The following TRMT9B variants were observed in gnomAD, a reference collection of about 807,000 sequenced individuals.
TRMT9B encodes probable tRNA methyltransferase 9B.
TRMT9B carries 16 observed loss-of-function variants against 11.5 expected under a neutral mutation model. The observed-to-expected ratio is 1.39, with a 90% CI of 0.94 to 2.11. The LOEUF is 2.11. TRMT9B is among the 30% of genes most tolerant of loss of function. The pLI is 0.00. For missense variants in TRMT9B, 941 were observed against 553.8 expected, an observed-to-expected ratio of 1.70 and a Z score of -7.02; for synonymous variants, 274 against 192.4, an observed-to-expected ratio of 1.42 and a Z score of -3.51.
intron 2 of TRMT9B, among the ~76,000 whole-genome samples, chr8:13,001,959 G>A (rs548120475): frequency 6.6e-6 from 1 of 151,984 alleles, no homozygotes; most frequent in African/African-American, 2.4e-5. Context: ...AAACTCACAA[G>A]GAATTTGCTT....
intron 2 of TRMT9B, among the ~76,000 whole-genome samples, chr8:12,992,946 G>A (rs1306441158): frequency 6.6e-6 from 1 of 152,194 alleles, no homozygotes; most frequent in Non-Finnish European, 1.5e-5. Context: ...TTATGCAGGA[G>A]GAAGAAACTG....
chr8:12,970,365 T>C (rs949867037), intron 1 of TRMT9B, among the ~76,000 whole-genome samples: 9 of 152,248 alleles, frequency 5.9e-5, no homozygotes, highest in Admixed American at 1.3e-4. Flanking sequence ...TACGTTGTCA[T>C]GTATTCAGTA....
rs1441438337 is a variant in TRMT9B at position 13,026,330 on chromosome 8, G to C, written c.*4286G>C. 1.8e-5 allele frequency: 3 copies of C among 167,084 alleles called. No homozygotes were observed. Among genetic ancestry groups the C allele is most frequent in the African/African-American group, 7.2e-5 (3 of 41,462 alleles). The allele number at this position is 167,084 out of a possible 1,614,324, so 10.4% of individuals were successfully genotyped here. A position where few individuals can be genotyped will look rare whatever the true frequency, so the allele number is the denominator to read the frequency against. On this transcript the variant is annotated 3_prime_UTR_variant, in exon 5 of 5. Coordinates refer to ENST00000524591, the MANE Select transcript of TRMT9B (RefSeq NM_020844.3). ...CTCATAGGTGGGAATTGAACAATGA[G>C]AACACATGGACACAGTAAGGGGAAC... is the stretch of plus-strand genomic sequence containing the variant.
At chr8:12,999,688 A>C (rs1342146485) in intron 2 of TRMT9B, among the ~76,000 whole-genome samples, 1 of 152,212 alleles carries the variant, frequency 6.6e-6, no homozygotes, top group Admixed American at 6.5e-5. Context: ...CTTATTTAGA[A>C]GTTCAGAATC....
At chr8:12,980,719 A>G (rs950790549) in intron 1 of TRMT9B, among the ~76,000 whole-genome samples, 4 of 152,194 alleles carry the variant, frequency 2.6e-5, no homozygotes, top group African/African-American at 9.7e-5. Context: ...GCTTCGTGAC[A>G]CAAGCTGAAC....
chr8:12,985,619 T>G (rs1806167598), intron 1 of TRMT9B, among the ~76,000 whole-genome samples: 2 of 152,202 alleles, frequency 1.3e-5, no homozygotes, highest in Non-Finnish European at 2.9e-5. Context: ...TTGTTTGTCT[T>G]ACAGCTACCA....
chr8:12,998,249 T>A (rs987334514), intron 2 of TRMT9B, among the ~76,000 whole-genome samples: 1 of 152,224 alleles, frequency 6.6e-6, no homozygotes, highest in Non-Finnish European at 1.5e-5. Flanking sequence ...TTTTTCCTCT[T>A]ATGGTTAGCA....
chr8:12,947,862 T>C (rs1272471142), intron 1 of TRMT9B, among the ~76,000 whole-genome samples: 1 of 152,176 alleles, frequency 6.6e-6, no homozygotes, highest in Non-Finnish European at 1.5e-5. Flanking sequence ...ATTTGGAAAG[T>C]GTGCAGCCTA....
chr8:13,008,651 C>G (rs1000169668), intron 3 of TRMT9B, among the ~76,000 whole-genome samples: 1 of 152,192 alleles, frequency 6.6e-6, no homozygotes, highest in African/African-American at 2.4e-5. Flanking sequence ...AAAATCTAGA[C>G]AGACATACAA....
rs544152140 is a variant in TRMT9B at position 13,026,562 on chromosome 8, T to C, written c.*4518T>C. On this transcript the variant is annotated 3_prime_UTR_variant, in exon 5 of 5. Transcript: ENST00000524591. Reference sequence around the variant, plus strand: ...TTAAAAAAGAGTAATAAAGGATTTTTGTTTTTAAAAAAAGCAACGTTCATT... The same window carrying C: ...TTAAAAAAGAGTAATAAAGGATTTTCGTTTTTAAAAAAAGCAACGTTCATT... The C allele has an allele frequency of 6.0e-6, 1 of 167,258 alleles. No homozygotes were observed. The highest frequency in any genetic ancestry group is 1.9e-4 in the East Asian group (1 of 5,196). The allele number at this position is 167,258 out of a possible 1,614,324, so 10.4% of individuals were successfully genotyped here.
rs148974680 is a variant in TRMT9B, at chr8:12,995,087, G to C, written c.-2+4056G>C. Among the ~76,000 whole-genome samples the C allele has an allele frequency of 3.8e-3, 584 of 152,328 alleles. 3 individuals are homozygous for C. The highest frequency in any genetic ancestry group is 0.013 in the African/African-American group (557 of 41,578). On this transcript the variant is annotated intron_variant, in intron 2 of 4. Transcript: ENST00000524591. ...GAAGATGTGTCAGTTTACACACACA[G>C]AGGGCTCACTGAAAATTTCCCTTTT... is the stretch of plus-strand genomic sequence containing the variant.
Position 13,021,878 on chromosome 8 carries a change from C to G in TRMT9B, c.1199C>G (p.Thr400Ser), listed in dbSNP as rs779034813. ...ACAATGTCTGTCGAAGATCCACAGA[C>G]TGATGTTTTGGACTCCACAGCCTTT... ...DDTMSVEDPQ[T>S]DVLDSTAFMR... is the part of the protein sequence containing the mutation. Residue 400 changes from threonine to serine, a missense_variant, in exon 5 of 5, where the codon ACT becomes AGT. Transcript: ENST00000524591. 8 of 1,613,854 alleles carry G rather than the reference C, an allele frequency of 5.0e-6. No individual in the cohort carries two copies. The highest frequency in any genetic ancestry group is 2.2e-5 in the South Asian group (2 of 91,086).
chr8:13,013,008 A>T (rs1156772344), intron 4 of TRMT9B, among the ~76,000 whole-genome samples, 151 bp downstream of exon 4: 2 of 152,208 alleles, frequency 1.3e-5, no homozygotes, highest in African/African-American at 4.8e-5. Context: ...TACTTGACTG[A>T]TTTGACTTAA....
chr8:13,013,524 A>G (rs1812055148), intron 4 of TRMT9B, among the ~76,000 whole-genome samples: 1 of 152,228 alleles, frequency 6.6e-6, no homozygotes, highest in African/African-American at 2.4e-5. Context: ...GGAATACATG[A>G]CATCTGCCAT....
intron 1 of TRMT9B, among the ~76,000 whole-genome samples, chr8:12,949,799 A>T (rs900755348): frequency 6.6e-6 from 1 of 152,172 alleles, no homozygotes; most frequent in Non-Finnish European, 1.5e-5. Flanking sequence ...TGCCTCTATT[A>T]TGTCTTGAAA....
chr8:12,964,335 G>A (rs1377141804), intron 1 of TRMT9B, among the ~76,000 whole-genome samples: 2 of 152,242 alleles, frequency 1.3e-5, no homozygotes, highest in African/African-American at 4.8e-5. Context: ...AAAATAGATG[G>A]CCTCCTAGCT....
intron 3 of TRMT9B, chr8:13,011,748 A>C: frequency 1.0e-6 from 1 of 967,954 alleles, no homozygotes; most frequent in Non-Finnish European, 1.2e-6. Context: ...TTGTCTATTT[A>C]AGAAAAAAAG....
rs987193118 is a variant in TRMT9B at position 13,024,649 on chromosome 8, C to A, written c.*2605C>A. The A allele has an allele frequency of 6.0e-6, 1 of 167,052 alleles. No individual in the cohort carries two copies. Among genetic ancestry groups the A allele is most frequent in the Non-Finnish European group, 1.5e-5 (1 of 68,106 alleles). 10.3% of individuals were successfully genotyped at this position (167,052 alleles called of 1,614,324 possible). On this transcript the variant is annotated 3_prime_UTR_variant, in exon 5 of 5. Coordinates refer to ENST00000524591, the MANE Select transcript of TRMT9B (RefSeq NM_020844.3). ...TTGAGCTAAACTGTCTGAGCAACCT[C>A]TTAGATGTGCACACACCACTTTGTA...
At chr8:12,963,403 A>G (rs1374638335) in intron 1 of TRMT9B, among the ~76,000 whole-genome samples, 1 of 152,212 alleles carries the variant, frequency 6.6e-6, no homozygotes, top group East Asian at 1.9e-4. Context: ...ACTGCACTCC[A>G]GCCTGGGAGA....
Sources: gnomAD v4.1 joint callset for allele counts (sites outside exome capture counted in the v4.1 genomes callset) on GRCh38, gnomAD v4.1.1 for gene constraint, MANE v1.5 for transcripts, NCBI Gene and HGNC (gene_info 2026-07-23, HGNC 2026-07-21) for gene names.